MYZAP: variants seen among roughly 807,000 people sequenced by gnomAD.
The protein encoded by MYZAP is myocardial zonula adherens protein.
A neutral mutation model predicts 69.4 loss-of-function variants in MYZAP; 66 were observed. The observed-to-expected ratio is 0.95, with a 90% CI of 0.78 to 1.17. MYZAP has a LOEUF of 1.17. Among genes scored for constraint, MYZAP ranks in the 50% most tolerant of loss-of-function variants. MYZAP has a pLI of 0.00. For missense variants in MYZAP, 611 were observed against 556.2 expected (o/e 1.10, Z -0.99); for synonymous variants, 256 against 205.9 (o/e 1.24, Z -2.09).
intron 12 of MYZAP, among the ~76,000 whole-genome samples, chr15:57,680,452 G>A (rs2039371379): frequency 6.6e-6 from 1 of 151,018 alleles, no homozygotes; most frequent in South Asian, 2.1e-4. Flanking sequence ...GAAAGGGAAG[G>A]GGTGAGAGGG....
At chr15:57,669,086 A>G (rs2038747205) in intron 11 of MYZAP, among the ~76,000 whole-genome samples, 1 of 151,828 alleles carries the variant, frequency 6.6e-6, no homozygotes, top group Admixed American at 6.6e-5. Flanking sequence ...AGATGGTTTC[A>G]CCACGTTGCC....
At chr15:57,605,391 G>A (rs1296519607) in intron 2 of MYZAP, among the ~76,000 whole-genome samples, 1 of 152,162 alleles carries the variant, frequency 6.6e-6, no homozygotes, top group African/African-American at 2.4e-5. Flanking sequence ...AAAATAAAAT[G>A]ATATAAATTT....
intron 2 of MYZAP, among the ~76,000 whole-genome samples, chr15:57,609,630 A>G (rs1355070850): frequency 6.6e-6 from 1 of 152,242 alleles, no homozygotes; most frequent in Non-Finnish European, 1.5e-5. Context: ...AACCCATAAC[A>G]GGTTCTTTGA....
At chr15:57,652,270 C>G (rs542287503) in intron 10 of MYZAP, among the ~76,000 whole-genome samples, 18 of 152,260 alleles carry the variant, frequency 1.2e-4, no homozygotes, top group African/African-American at 4.3e-4. Context: ...TTTACTCCCC[C>G]CCAAATGAGA....
At chr15:57,643,158 T>A (rs563392007) in intron 10 of MYZAP, among the ~76,000 whole-genome samples, 1 of 151,804 alleles carries the variant, frequency 6.6e-6, no homozygotes, top group South Asian at 2.1e-4. Context: ...AGCCGGAAAA[T>A]ATAGAAAAAT....
At chr15:57,621,767 C>T in intron 4 of MYZAP, 67 bp downstream of exon 4, 3 of 1,470,080 alleles carry the variant, frequency 2.0e-6, no homozygotes, top group South Asian at 2.3e-5. Flanking sequence ...CCCTCAGTGG[C>T]TAGTGCCTAA....
chr15:57,609,260 C>T (rs977744521), intron 2 of MYZAP, among the ~76,000 whole-genome samples: 1 of 152,180 alleles, frequency 6.6e-6, no homozygotes, highest in Non-Finnish European at 1.5e-5. Flanking sequence ...CTTCCTAGGG[C>T]TGCCACAGCA....
intron 10 of MYZAP, chr15:57,646,099 G>A: frequency 1.6e-6 from 2 of 1,253,086 alleles, no homozygotes; most frequent in Admixed American, 2.3e-5. Context: ...ATAGCACCAA[G>A]CCCACAAACC....
chr15:57,665,893 G>A (rs143067536), intron 11 of MYZAP, among the ~76,000 whole-genome samples: 1 of 152,264 alleles, frequency 6.6e-6, no homozygotes, highest in East Asian at 1.9e-4. Flanking sequence ...AGGGCTTTGT[G>A]TTTTTACCCT....
intron 1 of MYZAP, among the ~76,000 whole-genome samples, chr15:57,599,995 A>G (rs986558315): frequency 1.3e-5 from 2 of 152,186 alleles, no homozygotes; most frequent in Admixed American, 1.3e-4. Context: ...TATTATTTTA[A>G]TCAAAACCTT....
intron 5 of MYZAP, among the ~76,000 whole-genome samples, chr15:57,627,796 A>G (rs1486721500): frequency 6.6e-6 from 1 of 152,126 alleles, no homozygotes; most frequent in African/African-American, 2.4e-5. Context: ...GGTCTCTTGG[A>G]CCAGAGTGTA....
At chr15:57,675,169 C>T in intron 12 of MYZAP, 101 bp downstream of exon 12, 1 of 1,090,612 alleles carries the variant, frequency 9.2e-7, no homozygotes, top group Non-Finnish European at 1.3e-6. Flanking sequence ...TTCTTCCTAT[C>T]ACAAATATTT....
At chr15:57,602,062 G>A (rs554858217) in intron 1 of MYZAP, among the ~76,000 whole-genome samples, 1 of 152,206 alleles carries the variant, frequency 6.6e-6, no homozygotes, top group Non-Finnish European at 1.5e-5. Context: ...CTTCAAAGGT[G>A]GGCAGGTTGA....
intron 8 of MYZAP, among the ~76,000 whole-genome samples, chr15:57,634,514 A>G (rs1373214815): frequency 1.3e-5 from 2 of 152,190 alleles, no homozygotes; most frequent in East Asian, 3.9e-4. Context: ...CGGGATGCCA[A>G]GAATCTCCAA....
chr15:57,607,647 C>T (rs2034839362), intron 2 of MYZAP, among the ~76,000 whole-genome samples: 1 of 152,150 alleles, frequency 6.6e-6, no homozygotes, highest in Non-Finnish European at 1.5e-5. Context: ...GCATATGCAC[C>T]AGGATACTTC....
intron 1 of MYZAP, among the ~76,000 whole-genome samples, chr15:57,593,174 T>G (rs2033799008): frequency 4.1e-5 from 2 of 48,998 alleles, no homozygotes; most frequent in Admixed American, 5.5e-4. Flanking sequence ...GACACTTAGG[T>G]TGTGTACACA....
At chr15:57,616,613 C>T (rs1266472386) in intron 2 of MYZAP, among the ~76,000 whole-genome samples, 1 of 151,538 alleles carries the variant, frequency 6.6e-6, no homozygotes, top group African/African-American at 2.4e-5. Flanking sequence ...TCCAACCTGG[C>T]GAGAGAGTGA....
intron 3 of MYZAP, among the ~76,000 whole-genome samples, chr15:57,620,929 T>C (rs1382552216): frequency 1.3e-5 from 2 of 151,180 alleles, no homozygotes; most frequent in African/African-American, 4.9e-5. Context: ...CTTCAGAGTT[T>C]ATTTGGCTAA....
At chr15:57,677,640 C>T (rs1272324896) in intron 12 of MYZAP, among the ~76,000 whole-genome samples, 1 of 152,056 alleles carries the variant, frequency 6.6e-6, no homozygotes, top group Non-Finnish European at 1.5e-5. Context: ...TGTTTTAGAC[C>T]AATACAAGCA....
Sources: allele counts gnomAD v4.1 joint callset (sites outside exome capture counted in the v4.1 genomes callset), GRCh38; gene constraint gnomAD v4.1.1; transcripts MANE v1.5; gene names NCBI Gene and HGNC (gene_info 2026-07-23, HGNC 2026-07-21).